CPT1B: variants seen among roughly 807,000 people sequenced by gnomAD.
CPT1B encodes carnitine O-palmitoyltransferase 1, muscle isoform.
A neutral mutation model predicts 92.7 loss-of-function variants in CPT1B; 57 were observed. The observed-to-expected ratio is 0.62, with a 90% CI of 0.50 to 0.77. The LOEUF (loss-of-function observed/expected upper bound fraction) is 0.77, where lower values mean the gene tolerates loss of function less well. Ranked by LOEUF, CPT1B falls within the 30% of genes least tolerant of loss-of-function variation. The probability of loss-of-function intolerance (pLI) is 0.00; values close to 1 mark genes in which losing one functional copy is unlikely to be tolerated. For missense variants in CPT1B, 983 were observed against 1,017.4 expected, an observed-to-expected ratio of 0.97 and a Z score of 0.46; for synonymous variants, 398 against 383.5, an observed-to-expected ratio of 1.04 and a Z score of -0.44.
chr22:50,574,374 T>G lies in CPT1B; in HGVS notation c.931A>C (p.Arg311=). ...IVPMCSYQME[R]MFNTTRIPGK... ...GGGATCCGAGTGGTGTTGAACATCC[T>G]CTCCATCTGGTAGGAGCACATAGGC... Residue 311 remains arginine, a synonymous_variant, in exon 9 of 20, where the codon AGG becomes CGG. Transcript: ENST00000312108. 1 of 1,613,982 alleles carries G rather than the reference T, an allele frequency of 6.2e-7. No homozygotes were observed. Among genetic ancestry groups the G allele is most frequent in the Non-Finnish European group, 8.5e-7 (1 of 1,179,960 alleles).
At position 50,576,658 on chromosome 22, in the gene CPT1B, G is replaced by A. The variant is rs749272912; in HGVS notation, c.460-21C>T. ...CACATCTGGGGGTACAGAGCAGAGT[G>A]CTGGGGTGGGAGCCAGTGGAAAAAA... On this transcript the variant is annotated intron_variant, in intron 4 of 19. Transcript: ENST00000312108. 5.0e-6 allele frequency: 8 copies of A among 1,606,864 alleles called. No individual in the cohort carries two copies. The South Asian group carries it at 6.6e-5, about 13-fold the overall frequency.
At chr22:50,569,250 G>C (rs1250198458) in intron 19 of CPT1B, 86 bp downstream of exon 19, 1 of 1,349,330 alleles carries the variant, frequency 7.4e-7, no homozygotes, top group Non-Finnish European at 1.0e-6. Context: ...GGGCACCTGT[G>C]CACGGCCACC....
rs760981606 is a variant in CPT1B, at chr22:50,576,970, C to A, written c.346G>T (p.Val116Phe). ...AAGAAGAAGATGCCCGTCACCCAGACGCCCGTGGAGAAGATGGCCATGCTG... is the reference window on the plus strand; with the variant it reads ...AAGAAGAAGATGCCCGTCACCCAGAAGCCCGTGGAGAAGATGGCCATGCTG... ...LLSMAIFSTG[V>F]WVTGIFFFRQ... The change falls in exon 4 of 20, where the codon GTC becomes TTC. Residue 116 changes from valine to phenylalanine, a missense_variant. Coordinates refer to ENST00000312108, the MANE Select transcript of CPT1B (RefSeq NM_152246.3). 6.2e-7 allele frequency: 1 copy of A among 1,614,096 alleles called. No homozygotes were observed. Among genetic ancestry groups the A allele is most frequent in the South Asian group, 1.1e-5 (1 of 91,090 alleles).
intron 7 of CPT1B, 130 bp downstream of exon 7, chr22:50,575,905 G>A: frequency 2.5e-6 from 2 of 798,164 alleles, no homozygotes; most frequent in South Asian, 3.1e-5. Flanking sequence ...CTTTCCCTCA[G>A]GCCTCACTCC....
chr22:50,573,418 TGCCTCCA>T lies in CPT1B; in HGVS notation c.1166+95_1166+101del. On this transcript the variant is annotated intron_variant, in intron 10 of 19. Coordinates refer to ENST00000312108, the MANE Select transcript of CPT1B (RefSeq NM_152246.3). The surrounding 1 kb of genome is among the most constrained non-coding windows in gnomAD (Gnocchi z 5.0). ...ACCACCAATGCCCCTCCCCTAGTTG[TGCCTCCA>T]GCCTCCAGTTCCAGGGTGGCAGGCA... 9.5e-7 allele frequency: 1 copy of T among 1,048,964 alleles called. No individual in the cohort carries two copies. The highest frequency in any genetic ancestry group is 1.4e-6 in the Non-Finnish European group (1 of 725,128). The allele number at this position is 1,048,964 out of a possible 1,614,324, so 65.0% of individuals were successfully genotyped here.
In CPT1B at chr22:50,570,315, C is replaced by T. The variant is rs1465491382; in HGVS notation, c.2120G>A (p.Gly707Asp). The part of the protein sequence containing the change: ...FDPEQHPNHL[G>D]AGGGFGPVAD... ...CACAGGGCCAAAGCCACCTCCAGCGCCCAGGTGATTGGGGTGCTGCTCTGG... is the reference window on the plus strand; with the variant it reads ...CACAGGGCCAAAGCCACCTCCAGCGTCCAGGTGATTGGGGTGCTGCTCTGG... The change falls in exon 17 of 20, where the codon GGC becomes GAC. Residue 707 changes from glycine to aspartate, a missense_variant. Coordinates refer to ENST00000312108, the MANE Select transcript of CPT1B (RefSeq NM_152246.3). 6.3e-7 allele frequency: 1 copy of T among 1,594,248 alleles called. No individual in the cohort carries two copies. Among genetic ancestry groups the T allele is most frequent in the African/African-American group, 1.3e-5 (1 of 74,538 alleles).
rs773703154 is a variant in CPT1B, at chr22:50,569,351, T to C, written c.2306A>G (p.Lys769Arg). Residue 769 changes from lysine to arginine, a missense_variant, in exon 19 of 20, where the codon AAG becomes AGG. Coordinates refer to ENST00000312108, the MANE Select transcript of CPT1B (RefSeq NM_152246.3). The stretch of plus-strand genomic sequence containing the variant: ...TTTCTCCAACCTTCAGCTGTAGGCC[T>C]TGGGAACTTGGAAAAGATCAGCAAT... ...LDIADLFQVPKAYS is the reference protein window; with the variant it reads ...LDIADLFQVPRAYS 1 of 1,614,086 alleles carries C rather than the reference T, an allele frequency of 6.2e-7. No homozygotes were observed. The highest frequency in any genetic ancestry group is 1.7e-5 in the Admixed American group (1 of 60,018).
intron 7 of CPT1B, 27 bp from the exon 8 acceptor site, chr22:50,574,627 G>T: frequency 6.3e-7 from 1 of 1,592,470 alleles, no homozygotes; most frequent in Non-Finnish European, 8.6e-7. Flanking sequence ...CCCGCGGGGT[G>T]GGGGCCTCTG....
chr22:50,570,162 A>T (rs553339947), intron 17 of CPT1B, 131 bp downstream of exon 17: 1 of 648,174 alleles, frequency 1.5e-6, no homozygotes, highest in Admixed American at 2.9e-5. Context: ...TTCTGCTTCC[A>T]TGCAGGTCTG....
intron 16 of CPT1B, 152 bp from the exon 17 acceptor site, chr22:50,570,558 A>C: frequency 3.0e-6 from 2 of 656,332 alleles, no homozygotes; most frequent in East Asian, 5.5e-5. Flanking sequence ...GCATCATGCC[A>C]CATAAGGCTT....
chr22:50,577,438 G>A lies in CPT1B; in HGVS notation c.167C>T (p.Pro56Leu), dbSNP rs374480938. ...IKNGILRGVY[P>L]GSPTSWLVVI... ...GACCAGCCAGCTGGTGGGGCTGCCA[G>A]GGTACACGCCCCTGAGGATGCCATT... is the stretch of plus-strand genomic sequence containing the variant. The change falls in exon 3 of 20, where the codon CCT becomes CTT. Residue 56 changes from proline to leucine, a missense_variant. Pro to Leu is a moderately conservative substitution (Grantham distance 98). Coordinates refer to ENST00000312108, the MANE Select transcript of CPT1B (RefSeq NM_152246.3). 3.4e-5 allele frequency: 55 copies of A among 1,613,688 alleles called. No homozygotes were observed. Among genetic ancestry groups the A allele is most frequent in the Non-Finnish European group, 4.5e-5 (53 of 1,180,004 alleles).
Position 50,573,689 on chromosome 22 carries a change from G to A in CPT1B, c.997C>T (p.Arg333Trp), listed in dbSNP as rs765350347. Residue 333 changes from arginine (R) to tryptophan (W), a missense_variant, in exon 10 of 20, where the codon CGG (arginine) becomes TGG (tryptophan). Transcript: ENST00000312108. The surrounding 1 kb of genome is among the most constrained non-coding windows in gnomAD (Gnocchi z 5.0). ...TDVLQHLSDS[R>W]HVAVYHKGRF... ...CCCTTGTGGTAGACAGCCACGTGCC[G>A]GCTGTCTGAGAGGTGCTGTAGCACA... is the stretch of plus-strand genomic sequence containing the variant. The A allele has an allele frequency of 3.7e-5, 59 of 1,612,704 alleles. No homozygotes were observed. The highest frequency in any genetic ancestry group is 9.3e-5 in the African/African-American group (7 of 74,926).
chr22:50,572,991 G>A lies in CPT1B; in HGVS notation c.1236C>T (p.Ile412=), dbSNP rs771890477. ...GGGCCACGAAGAAAGCGGCACGCTCGATGGCCTCCAAGGCAGCCTTATTCT... is the reference window on the plus strand; with the variant it reads ...GGGCCACGAAGAAAGCGGCACGCTCAATGGCCTCCAAGGCAGCCTTATTCT... The part of the protein sequence containing the change: ...SGKNKAALEA[I]ERAAFFVALD... Residue 412 remains isoleucine (I), a synonymous_variant, in exon 11 of 20, where the codon ATC becomes ATT. Transcript: ENST00000312108. 1.2e-5 allele frequency: 19 copies of A among 1,613,542 alleles called. No individual in the cohort carries two copies. Among genetic ancestry groups the A allele is most frequent in the Middle Eastern group, 1.6e-4 (1 of 6,078 alleles).
chr22:50,571,027 T>C lies in CPT1B; in HGVS notation c.1892A>G (p.Asp631Gly). ...EGSHTKADLR[D>G]LFQKAAKKHQ... Reference sequence around the variant, plus strand: ...CTTCTTAGCAGCCTTCTGGAAGAGATCTCGCAGGTCTGCTTTCTGCGGGGC... The same window carrying C: ...CTTCTTAGCAGCCTTCTGGAAGAGACCTCGCAGGTCTGCTTTCTGCGGGGC... The change falls in exon 16 of 20, where the codon GAT (aspartate) becomes GGT (glycine). Residue 631 changes from aspartate (D) to glycine (G), a missense_variant. Coordinates refer to ENST00000312108, the MANE Select transcript of CPT1B (RefSeq NM_152246.3). 6.2e-7 allele frequency: 1 copy of C among 1,613,990 alleles called. No homozygotes were observed. Among genetic ancestry groups the C allele is most frequent in the Non-Finnish European group, 8.5e-7 (1 of 1,179,998 alleles).
rs748065384 is a variant in CPT1B at position 50,574,384 on chromosome 22, G to A, written c.921C>T (p.Tyr307=). ...TGGTGTTGAACATCCTCTCCATCTGGTAGGAGCACATAGGCACTATGCCCA... is the reference window on the plus strand; with the variant it reads ...TGGTGTTGAACATCCTCTCCATCTGATAGGAGCACATAGGCACTATGCCCA... ...MALGIVPMCS[Y]QMERMFNTTR... is the part of the protein sequence containing the mutation. Residue 307 remains tyrosine (Y), a synonymous_variant, in exon 9 of 20, where the codon TAC becomes TAT. Transcript: ENST00000312108. The A allele has an allele frequency of 6.2e-7, 1 of 1,614,090 alleles. No homozygotes were observed. The highest frequency in any genetic ancestry group is 8.5e-7 in the Non-Finnish European group (1 of 1,180,008).
rs2070203729 is a variant in CPT1B, at chr22:50,572,070, C to A, written c.1511G>T (p.Cys504Phe). The A allele has an allele frequency of 6.2e-7, 1 of 1,614,066 alleles. No homozygotes were observed. Among genetic ancestry groups the A allele is most frequent in the African/African-American group, 1.3e-5 (1 of 74,934 alleles). The change falls in exon 13 of 20, where the codon TGC (cysteine) becomes TTC (phenylalanine). Residue 504 changes from cysteine to phenylalanine, a missense_variant. Cys to Phe is a radical substitution (Grantham distance 205). Coordinates refer to ENST00000312108, the MANE Select transcript of CPT1B (RefSeq NM_152246.3). ...FHLGYTETGH[C>F]LGKPNPALAP... is the part of the protein sequence containing the mutation. The stretch of plus-strand genomic sequence containing the variant: ...GAGCGCAGGGTTCGGTTTGCCCAGG[C>A]AGTGCCCGGTCTCCGTGTAGCCCAG...
rs1180689475 is a variant in CPT1B, at chr22:50,577,212, G to C, written c.281+112C>G. ...GGTTGTCATAGGGGAGGGCTGCCCC[G>C]TGACTGCCAATGGCTGCTGTCCTGT... On this transcript the variant is annotated intron_variant, in intron 3 of 19. Transcript: ENST00000312108. The C allele has an allele frequency of 3.4e-6, 5 of 1,463,490 alleles. No homozygotes were observed. The Admixed American group carries it at 9.4e-5, about 28-fold the overall frequency. 90.7% of individuals were successfully genotyped at this position (1,463,490 alleles called of 1,614,324 possible). A position where few individuals can be genotyped will look rare whatever the true frequency, so the allele number is the denominator to read the frequency against.
At position 50,574,044 on chromosome 22, in the gene CPT1B, C is replaced by T. The variant is rs1359101653; in HGVS notation, c.970+291G>A. 5 of 682,852 alleles carry T rather than the reference C, an allele frequency of 7.3e-6. No homozygotes were observed. In the Admixed American group the frequency reaches 8.2e-5, roughly 11 times the overall value. 42.3% of individuals were successfully genotyped at this position (682,852 alleles called of 1,614,324 possible). A position where few individuals can be genotyped will look rare whatever the true frequency, so the allele number is the denominator to read the frequency against. ...CCAGACCCCTGGGTGCGCCCCTCCCCTCCTCTGCCGGCTCCATGGCAGCGC... is the reference window on the plus strand; with the variant it reads ...CCAGACCCCTGGGTGCGCCCCTCCCTTCCTCTGCCGGCTCCATGGCAGCGC... On this transcript the variant is annotated intron_variant, in intron 9 of 19. Coordinates refer to ENST00000312108, the MANE Select transcript of CPT1B (RefSeq NM_152246.3).
At chr22:50,570,869 C>G (rs747681414) in intron 16 of CPT1B, 22 bp downstream of exon 16, 3 of 1,609,422 alleles carry the variant, frequency 1.9e-6, no homozygotes, top group African/African-American at 2.7e-5. Flanking sequence ...GGACAAAGGA[C>G]ACACCCAACA....
Sources: gnomAD v4.1 joint callset for allele counts on GRCh38, gnomAD v4.1.1 for gene constraint, Gnocchi (gnomAD v3.1) non-coding constraint, MANE v1.5 for transcripts, NCBI Gene and HGNC (gene_info 2026-07-23, HGNC 2026-07-21) for gene names.